ADIPOR2: variants seen among roughly 807,000 people sequenced by gnomAD.
ADIPOR2 encodes the protein adiponectin receptor 2.
ADIPOR2 carries 18 observed loss-of-function variants against 40.9 expected under a neutral mutation model. The observed-to-expected ratio is 0.44, with a 90% CI of 0.30 to 0.65. ADIPOR2 has a LOEUF of 0.65. ADIPOR2 is among the 30% of genes least tolerant of loss of function. The probability of loss-of-function intolerance (pLI) is 0.09; values close to 1 mark genes in which losing one functional copy is unlikely to be tolerated. For missense variants in ADIPOR2, 283 were observed against 479.2 expected, an observed-to-expected ratio of 0.59 and a Z score of 3.82; for synonymous variants, 165 against 166.4, an observed-to-expected ratio of 0.99 and a Z score of 0.06.
rs1412194659 is a variant in ADIPOR2, at chr12:1,727,782, A to G, written c.-86-26476A>G. Among the ~76,000 whole-genome samples the G allele has an allele frequency of 2.0e-5, 3 of 151,934 alleles. No homozygotes were observed. The East Asian group carries it at 5.8e-4, about 29-fold the overall frequency. ...ACTTCTGAACTCACCACTTTCCTGG[A>G]AAGACCCCCAACATCTTCGGGGAGC... On this transcript the variant is annotated intron_variant, in intron 1 of 7. Coordinates refer to ENST00000357103, the MANE Select transcript of ADIPOR2 (RefSeq NM_024551.3).
Position 1,756,295 on chromosome 12 carries a change from C to T in ADIPOR2, c.171+1781C>T, listed in dbSNP as rs186930788. On this transcript the variant is annotated intron_variant, in intron 2 of 7. Transcript: ENST00000357103. ...CCTTCCGAGTAGCTGGGACTACAGG[C>T]CTGCGCAACCACATCCGGCTAATTT... Among the ~76,000 whole-genome samples the T allele has an allele frequency of 7.4e-4, 112 of 152,108 alleles. No individual in the cohort carries two copies. The Middle Eastern group carries it at 0.01, about 14-fold the overall frequency.
chr12:1,723,601 C>T (rs1040528314), intron 1 of ADIPOR2, among the ~76,000 whole-genome samples: 1 of 151,926 alleles, frequency 6.6e-6, no homozygotes, highest in African/African-American at 2.4e-5. Flanking sequence ...GATCGTGTCA[C>T]TGCATTCCAG....
At chr12:1,752,440 C>T (rs981052625) in intron 1 of ADIPOR2, among the ~76,000 whole-genome samples, 5 of 151,974 alleles carry the variant, frequency 3.3e-5, no homozygotes, top group African/African-American at 1.2e-4. Context: ...AAGCTTTATT[C>T]TACTTGCTAC....
At chr12:1,739,189 AAAT>A (rs1439179325) in intron 1 of ADIPOR2, among the ~76,000 whole-genome samples, 2 of 152,242 alleles carry the variant, frequency 1.3e-5, no homozygotes. Context: ...TGAACATAAA[AAAT>A]GATGAAGGTA....
intron 1 of ADIPOR2, among the ~76,000 whole-genome samples, chr12:1,709,726 T>C (rs971016293): frequency 2.1e-4 from 32 of 152,180 alleles, no homozygotes; most frequent in Non-Finnish European, 1.0e-4. Context: ...TTTTAGATGG[T>C]AAAATATTCA....
intron 1 of ADIPOR2, among the ~76,000 whole-genome samples, chr12:1,743,428 T>G (rs2094748018): frequency 6.6e-6 from 1 of 151,986 alleles, no homozygotes; most frequent in Non-Finnish European, 1.5e-5. Flanking sequence ...GTAAGCACTT[T>G]GGGAGGCTGA....
At chr12:1,732,268 C>A (rs918381417) in intron 1 of ADIPOR2, among the ~76,000 whole-genome samples, 1 of 152,214 alleles carries the variant, frequency 6.6e-6, no homozygotes. Flanking sequence ...TCCACTATTA[C>A]AGTTATCACA....
At chr12:1,729,934 C>CTAA (rs2094716363) in intron 1 of ADIPOR2, among the ~76,000 whole-genome samples, 1 of 152,010 alleles carries the variant, frequency 6.6e-6, no homozygotes, top group Non-Finnish European at 1.5e-5. Context: ...AGAGTGCACC[C>CTAA]TATTTAGTGG....
At chr12:1,751,359 A>G (rs1327295799) in intron 1 of ADIPOR2, among the ~76,000 whole-genome samples, 2 of 152,076 alleles carry the variant, frequency 1.3e-5, no homozygotes, top group Non-Finnish European at 2.9e-5. Flanking sequence ...ATGTATATTG[A>G]TCTCAGGACT....
intron 6 of ADIPOR2, among the ~76,000 whole-genome samples, chr12:1,781,563 G>A (rs1175392584): frequency 6.6e-6 from 1 of 152,140 alleles, no homozygotes; most frequent in Admixed American, 6.5e-5. Flanking sequence ...TCTCCCTTCT[G>A]ATGTAGGGAT....
intron 3 of ADIPOR2, among the ~76,000 whole-genome samples, chr12:1,773,585 A>C (rs1327594647): frequency 6.7e-6 from 1 of 148,772 alleles, no homozygotes; most frequent in Non-Finnish European, 1.5e-5. Flanking sequence ...AAATAGACAC[A>C]CTGGTAAACT....
intron 3 of ADIPOR2, among the ~76,000 whole-genome samples, chr12:1,773,390 C>G (rs144844298): frequency 7.6e-4 from 116 of 152,286 alleles, no homozygotes; most frequent in African/African-American, 2.7e-3. Flanking sequence ...AATCAGGCTA[C>G]TCTTGAGAGA....
chr12:1,750,918 A>G (rs1219886246), intron 1 of ADIPOR2, among the ~76,000 whole-genome samples: 2 of 151,306 alleles, frequency 1.3e-5, no homozygotes, highest in African/African-American at 4.9e-5. Context: ...CAATTTTTAT[A>G]CTCATTTTTT....
chr12:1,750,730 T>C (rs991361853), intron 1 of ADIPOR2, among the ~76,000 whole-genome samples: 4 of 152,200 alleles, frequency 2.6e-5, no homozygotes, highest in African/African-American at 4.8e-5. Context: ...TATTTCATAA[T>C]GACCAAATAT....
chr12:1,708,551 G>C (rs565000460), intron 1 of ADIPOR2, among the ~76,000 whole-genome samples: 1 of 152,102 alleles, frequency 6.6e-6, no homozygotes, highest in Non-Finnish European at 1.5e-5. Flanking sequence ...TTTTGTGTAG[G>C]ATGTGAGGTA....
At chr12:1,740,166 A>G (rs991547218) in intron 1 of ADIPOR2, among the ~76,000 whole-genome samples, 1 of 152,210 alleles carries the variant, frequency 6.6e-6, no homozygotes, top group African/African-American at 2.4e-5. Flanking sequence ...CCTACCTTGA[A>G]TGGTAAACTT....
Position 1,749,318 on chromosome 12 carries a change from C to T in ADIPOR2, c.-86-4940C>T, listed in dbSNP as rs11061966. 9.2e-3 allele frequency among the ~76,000 whole-genome samples: 1,401 copies of T among 152,078 alleles called. 32 individuals carry two copies. Among genetic ancestry groups the T allele is most frequent in the African/African-American group, 0.032 (1,344 of 41,470 alleles). ...CCTACCCCAAGGGCATAGATGGGAC[C>T]CTACATGAGAGAGTCTTAAGACCCG... On this transcript the variant is annotated intron_variant, in intron 1 of 7. Transcript: ENST00000357103.
intron 6 of ADIPOR2, 34 bp downstream of exon 6, chr12:1,781,110 C>A: frequency 1.3e-6 from 2 of 1,501,980 alleles, no homozygotes; most frequent in South Asian, 1.3e-5. Context: ...ATTCGACATT[C>A]ATTTATTCAC....
At chr12:1,758,605 A>G (rs1229051338) in intron 2 of ADIPOR2, among the ~76,000 whole-genome samples, 1 of 152,204 alleles carries the variant, frequency 6.6e-6, no homozygotes, top group African/African-American at 2.4e-5. Context: ...TACACATGGG[A>G]GCTAGAAAAG....
Sources: gnomAD v4.1 joint callset for allele counts (sites outside exome capture counted in the v4.1 genomes callset) on GRCh38, gnomAD v4.1.1 for gene constraint, MANE v1.5 for transcripts, NCBI Gene and HGNC (gene_info 2026-07-23, HGNC 2026-07-21) for gene names.